KDM5A: variants seen among roughly 807,000 people sequenced by gnomAD.
KDM5A encodes the protein lysine-specific demethylase 5A.
A neutral mutation model predicts 193.5 loss-of-function variants in KDM5A; 42 were observed. The observed-to-expected ratio is 0.22, with a 90% confidence interval of 0.17 to 0.28. The LOEUF is 0.28. Among genes scored for constraint, KDM5A ranks in the 10% least tolerant of loss-of-function variants. The probability of loss-of-function intolerance (pLI) is 1.00; values close to 1 mark genes in which losing one functional copy is unlikely to be tolerated. For missense variants in KDM5A, 1,692 were observed against 2,055.1 expected, an observed-to-expected ratio of 0.82 and a Z score of 3.42; for synonymous variants, 796 against 718.1, an observed-to-expected ratio of 1.11 and a Z score of -1.73.
At chr12:326,145 A>G (rs1039836002) in intron 14 of KDM5A, among the ~76,000 whole-genome samples, 1 of 152,236 alleles carries the variant, frequency 6.6e-6, no homozygotes, top group African/African-American at 2.4e-5. Context: ...GAGATTTTCT[A>G]TTTCAGATGC....
intron 27 of KDM5A, among the ~76,000 whole-genome samples, chr12:287,506 A>G (rs1333517644): frequency 6.6e-6 from 1 of 152,126 alleles, no homozygotes. Flanking sequence ...CCAAAAAAAA[A>G]AAAAAGGGGG....
chr12:293,272 G>A, intron 26 of KDM5A, 103 bp from the exon 27 acceptor site: 1 of 1,020,470 alleles, frequency 9.8e-7, no homozygotes, highest in Non-Finnish European at 1.4e-6. Context: ...CGGAGAGACA[G>A]AAAGTCGAAC....
At chr12:291,901 C>CTTT (rs199559800) in intron 27 of KDM5A, among the ~76,000 whole-genome samples, 7 of 129,898 alleles carry the variant, frequency 5.4e-5, no homozygotes, top group Non-Finnish European at 1.0e-4. Flanking sequence ...TAAAACAATG[C>CTTT]TTTTTTTTTT....
At chr12:299,378 G>C (rs569066182) in intron 24 of KDM5A, among the ~76,000 whole-genome samples, 3 of 152,338 alleles carry the variant, frequency 2.0e-5, no homozygotes, top group African/African-American at 7.2e-5. Flanking sequence ...CCAAAAGAGA[G>C]TGGGGGCCAA....
chr12:380,638 G>A (rs572857130), intron 3 of KDM5A, among the ~76,000 whole-genome samples: 6 of 152,092 alleles, frequency 3.9e-5, no homozygotes, highest in South Asian at 2.1e-4. Flanking sequence ...CATGAGAATC[G>A]GTTGAACCTG....
chr12:314,017 G>C lies in KDM5A; in HGVS notation c.2898-823C>G, dbSNP rs146977007. On this transcript the variant is annotated intron_variant, in intron 19 of 27. Transcript: ENST00000399788. ...GCTGGGTGGAAAAAGAGTGGGGCAGGAAAAAGGAATCTGGCAGGAAGAAAG... is the reference window on the plus strand; with the variant it reads ...GCTGGGTGGAAAAAGAGTGGGGCAGCAAAAAGGAATCTGGCAGGAAGAAAG... Among the ~76,000 whole-genome samples, 291 of 152,160 alleles carry C rather than the reference G, an allele frequency of 1.9e-3. 1 individual carries two copies. Among genetic ancestry groups the C allele is most frequent in the Middle Eastern group, 0.017 (5 of 294 alleles).
At chr12:330,085 G>GTGTGTATATATATATA (rs377271333) in intron 13 of KDM5A, among the ~76,000 whole-genome samples, 4 of 139,374 alleles carry the variant, frequency 2.9e-5, no homozygotes, top group South Asian at 4.7e-4. Context: ...GTGTGTGTGT[G>GTGTGTATATATATATA]TATATATATA....
At chr12:331,776 G>A (rs112640226) in intron 13 of KDM5A, 43 bp downstream of exon 13, 2 of 1,611,818 alleles carry the variant, frequency 1.2e-6, no homozygotes, top group Admixed American at 1.7e-5. Context: ...ATATTTATAG[G>A]GGGGTTAGTA....
intron 10 of KDM5A, among the ~76,000 whole-genome samples, chr12:344,590 G>A (rs1046177906): frequency 2.0e-5 from 3 of 152,228 alleles, no homozygotes; most frequent in East Asian, 1.9e-4. Flanking sequence ...CTACAAGCCA[G>A]AAGAGAGTGG....
chr12:385,181 GAA>G (rs199833232), intron 2 of KDM5A, among the ~76,000 whole-genome samples: 11 of 93,738 alleles, frequency 1.2e-4, no homozygotes, highest in Admixed American at 2.5e-4. Context: ...AGACTCTCTG[GAA>G]AAAAAAAAAA....
intron 3 of KDM5A, among the ~76,000 whole-genome samples, chr12:368,847 G>A (rs1312878224): frequency 6.6e-6 from 1 of 152,146 alleles, no homozygotes; most frequent in Non-Finnish European, 1.5e-5. Context: ...CTCGTTATGA[G>A]GCTACTGTGA....
At chr12:364,499 T>TA (rs2137468994) in intron 4 of KDM5A, among the ~76,000 whole-genome samples, 1 of 121,872 alleles carries the variant, frequency 8.2e-6, no homozygotes, top group East Asian at 2.7e-4. Flanking sequence ...AATTTACACA[T>TA]AAACGGCCGG....
chr12:336,718 G>A (rs1276112962), intron 10 of KDM5A, among the ~76,000 whole-genome samples: 2 of 152,030 alleles, frequency 1.3e-5, no homozygotes, highest in Non-Finnish European at 2.9e-5. Flanking sequence ...GTGCATGCCT[G>A]TGGCCCCAGA....
At chr12:300,925 T>C (rs1356502763) in intron 24 of KDM5A, among the ~76,000 whole-genome samples, 1 of 151,876 alleles carries the variant, frequency 6.6e-6, no homozygotes, top group African/African-American at 2.4e-5. Context: ...AACTAGAAAA[T>C]CTAGAAGAAA....
Position 332,142 on chromosome 12 carries a change from T to C in KDM5A, c.1654-204A>G, listed in dbSNP as rs182543115. Among the ~76,000 whole-genome samples, 36 of 152,300 alleles carry C rather than the reference T, an allele frequency of 2.4e-4. No homozygotes were observed. In the East Asian group the frequency reaches 3.3e-3, roughly 14 times the overall value. ...GTCACTGATAATAGATTATAATTCA[T>C]GACAAGAATTAGCAGCCAAAAGAAA... On this transcript the variant is annotated intron_variant, in intron 12 of 27. Transcript: ENST00000399788.
At chr12:327,958 G>A (rs1439494235) in intron 14 of KDM5A, among the ~76,000 whole-genome samples, 4 of 152,154 alleles carry the variant, frequency 2.6e-5, no homozygotes, top group Non-Finnish European at 2.9e-5. Context: ...AGGCTGCAGT[G>A]AGCTACGACT....
At chr12:321,490 TGATTTTTCTAAGAGGGTTCCTAA>T (rs1436381136) in intron 17 of KDM5A, among the ~76,000 whole-genome samples, 1 of 152,244 alleles carries the variant, frequency 6.6e-6, no homozygotes, top group African/African-American at 2.4e-5. Context: ...TGTGTGCACA[TGATTTTTCTAAGAGGGTTCCTAA>T]ACTTTTACTA....
At chr12:303,918 A>AG (rs1318733541) in intron 24 of KDM5A, among the ~76,000 whole-genome samples, 2 of 152,218 alleles carry the variant, frequency 1.3e-5, no homozygotes. Context: ...TTTAAGCAAA[A>AG]GGAAGTATAG....
At chr12:367,243 A>C (rs1481122972) in intron 3 of KDM5A, among the ~76,000 whole-genome samples, 3 of 152,200 alleles carry the variant, frequency 2.0e-5, no homozygotes, top group Admixed American at 6.5e-5. Flanking sequence ...ATACTACTGT[A>C]TCTTACTACA....
Sources: gnomAD v4.1 joint callset for allele counts (sites outside exome capture counted in the v4.1 genomes callset) on GRCh38, gnomAD v4.1.1 for gene constraint, MANE v1.5 for transcripts, NCBI Gene and HGNC (gene_info 2026-07-23, HGNC 2026-07-21) for gene names.